SLC39A11: variants seen among roughly 807,000 people sequenced by gnomAD.
SLC39A11 encodes solute carrier family 39 member 11, also known as zinc transporter ZIP11.
Under a neutral mutation model 36.1 loss-of-function variants are expected in SLC39A11, and 33 were observed. The ratio of observed to expected loss-of-function variants is 0.91; its 90% confidence interval spans 0.69 to 1.22. SLC39A11 has a LOEUF of 1.22. Ranked by LOEUF, SLC39A11 falls within the 50% of genes most tolerant of loss-of-function variation. The pLI is 0.00. For synonymous variants in SLC39A11, 166 were observed against 170.3 expected, an observed-to-expected ratio of 0.97 and a Z score of 0.20; for missense variants, 432 against 430.3, an observed-to-expected ratio of 1.00 and a Z score of -0.03.
chr17:72,949,995 AC>A (rs2085750710), intron 4 of SLC39A11, among the ~76,000 whole-genome samples: 1 of 121,570 alleles, frequency 8.2e-6, no homozygotes, highest in African/African-American at 3.1e-5. Flanking sequence ...ACACACACAC[AC>A]CCCTTCTTGT....
chr17:72,781,462 C>T (rs1224023774), intron 6 of SLC39A11, among the ~76,000 whole-genome samples: 1 of 150,106 alleles, frequency 6.7e-6, no homozygotes. Flanking sequence ...CTCGCTCTAT[C>T]GCCCAGGCTG....
At chr17:72,802,808 A>G (rs2077134904) in intron 6 of SLC39A11, among the ~76,000 whole-genome samples, 1 of 152,086 alleles carries the variant, frequency 6.6e-6, no homozygotes, top group South Asian at 2.1e-4. Context: ...CAGGAGACAA[A>G]AAGAGGCTGC....
intron 3 of SLC39A11, among the ~76,000 whole-genome samples, chr17:73,046,702 G>A (rs138122314): frequency 2.0e-5 from 3 of 152,194 alleles, no homozygotes; most frequent in South Asian, 2.1e-4. Context: ...AGCACTTCGG[G>A]AGGTCGAAGT....
intron 7 of SLC39A11, among the ~76,000 whole-genome samples, chr17:72,732,988 C>T (rs28392962): frequency 0.09 from 13,744 of 152,230 alleles, 1,264 homozygotes; most frequent in African/African-American, 0.23. Context: ...AAGTTGCACA[C>T]GCAAGTTCCT....
intron 4 of SLC39A11, among the ~76,000 whole-genome samples, chr17:72,991,047 T>G (rs1429808598): frequency 6.6e-6 from 1 of 152,224 alleles, no homozygotes; most frequent in Non-Finnish European, 1.5e-5. Context: ...TAACAAGATG[T>G]AAGTCCACGT....
At chr17:72,940,812 C>T (rs146312660) in intron 5 of SLC39A11, among the ~76,000 whole-genome samples, 23 of 152,246 alleles carry the variant, frequency 1.5e-4, no homozygotes, top group African/African-American at 5.5e-4. Flanking sequence ...AATTGTTCAG[C>T]GCAACTATGG....
chr17:72,822,631 G>A (rs2077841090), intron 6 of SLC39A11, among the ~76,000 whole-genome samples: 1 of 151,304 alleles, frequency 6.6e-6, no homozygotes, highest in Non-Finnish European at 1.5e-5. Context: ...TCACCAGGGA[G>A]AGAAGGGTGA....
intron 3 of SLC39A11, among the ~76,000 whole-genome samples, chr17:73,066,505 G>T (rs965857721): frequency 2.0e-5 from 3 of 152,166 alleles, no homozygotes; most frequent in African/African-American, 7.2e-5. Context: ...TGCTTTTGAG[G>T]AATCACTTTT....
At chr17:73,034,080 C>T (rs557769822) in intron 3 of SLC39A11, among the ~76,000 whole-genome samples, 1 of 152,246 alleles carries the variant, frequency 6.6e-6, no homozygotes, top group South Asian at 2.1e-4. Context: ...TGTGAGGGCT[C>T]CCCCTCCCTG....
chr17:72,810,084 C>CAAAAAAAA (rs10708067), intron 6 of SLC39A11, among the ~76,000 whole-genome samples: 2 of 136,702 alleles, frequency 1.5e-5, no homozygotes. Context: ...ACAAAAACAA[C>CAAAAAAAA]AAAAAAAAAA....
chr17:72,957,475 G>A (rs1206639534), intron 4 of SLC39A11, among the ~76,000 whole-genome samples: 2 of 152,208 alleles, frequency 1.3e-5, no homozygotes, highest in African/African-American at 4.8e-5. Context: ...GGCTTCTCCA[G>A]TGAGGACACA....
At chr17:72,674,450 T>C (rs1208055542) in intron 7 of SLC39A11, among the ~76,000 whole-genome samples, 5 of 152,204 alleles carry the variant, frequency 3.3e-5, no homozygotes, top group African/African-American at 1.2e-4. Context: ...CTCCCACATA[T>C]GGGCATTTAG....
intron 6 of SLC39A11, among the ~76,000 whole-genome samples, chr17:72,776,622 A>C (rs961790652): frequency 3.3e-5 from 5 of 151,068 alleles, no homozygotes; most frequent in African/African-American, 9.7e-5. Flanking sequence ...AAAAAAAAAA[A>C]AAAAAAACAG....
At chr17:72,705,385 C>A (rs2072847242) in intron 7 of SLC39A11, among the ~76,000 whole-genome samples, 1 of 152,186 alleles carries the variant, frequency 6.6e-6, no homozygotes. Flanking sequence ...ATAAGTACAG[C>A]TGATTGCAAC....
intron 3 of SLC39A11, among the ~76,000 whole-genome samples, chr17:73,041,131 G>A (rs2059100902): frequency 6.6e-6 from 1 of 152,046 alleles, no homozygotes; most frequent in African/African-American, 2.4e-5. Context: ...GTCCACTTTG[G>A]AATATCACAG....
At chr17:73,028,829 C>G (rs1008825128) in intron 4 of SLC39A11, among the ~76,000 whole-genome samples, 1 of 147,178 alleles carries the variant, frequency 6.8e-6, no homozygotes, top group Non-Finnish European at 1.5e-5. Context: ...AAAAAAAACA[C>G]TGCTGCAGCC....
chr17:72,689,989 C>T (rs569409973), intron 7 of SLC39A11, among the ~76,000 whole-genome samples: 4 of 152,316 alleles, frequency 2.6e-5, no homozygotes, highest in East Asian at 1.9e-4. Context: ...TCCTCTCCAC[C>T]GAGCGCTGTG....
chr17:72,894,229 G>A (rs191205093), intron 5 of SLC39A11, among the ~76,000 whole-genome samples: 7,271 of 145,452 alleles, frequency 0.05, 208 homozygotes, highest in Non-Finnish European at 0.062. Context: ...GTGCGTGGTG[G>A]CGCATGCCTG....
chr17:72,885,365 A>AT (rs891814066), intron 5 of SLC39A11, among the ~76,000 whole-genome samples: 1 of 152,078 alleles, frequency 6.6e-6, no homozygotes, highest in Non-Finnish European at 1.5e-5. Flanking sequence ...TTGATTAGTA[A>AT]TTTTTTACAA....
Sources: allele counts gnomAD v4.1 joint callset (sites outside exome capture counted in the v4.1 genomes callset), GRCh38; gene constraint gnomAD v4.1.1; transcripts MANE v1.5; gene names NCBI Gene and HGNC (gene_info 2026-07-23, HGNC 2026-07-21).